The following FBXO28 variants were observed in gnomAD, a reference collection of about 807,000 sequenced individuals.
FBXO28 encodes the protein F-box only protein 28.
A neutral mutation model predicts 38.1 loss-of-function variants in FBXO28; 8 were observed. The ratio of observed to expected loss-of-function variants is 0.21; its 90% CI spans 0.12 to 0.38. The LOEUF (loss-of-function observed/expected upper bound fraction) is 0.38, where lower values mean the gene tolerates loss of function less well. FBXO28 is among the 10% of genes least tolerant of loss of function. FBXO28 has a pLI of 1.00. For synonymous variants in FBXO28, 168 were observed against 173.8 expected (o/e 0.97, Z 0.26); for missense variants, 345 against 460.6 (o/e 0.75, Z 2.30).
chr1:224,123,622 CAA>C (rs1335882513), intron 1 of FBXO28, among the ~76,000 whole-genome samples: 1 of 151,760 alleles, frequency 6.6e-6, no homozygotes, highest in Non-Finnish European at 1.5e-5. Context: ...TAGCATGTCT[CAA>C]AGTCTCTACA....
At chr1:224,151,122 G>A (rs1437546697) in intron 3 of FBXO28, among the ~76,000 whole-genome samples, 1 of 152,080 alleles carries the variant, frequency 6.6e-6, no homozygotes, top group Non-Finnish European at 1.5e-5. Flanking sequence ...AAGTGAGCTC[G>A]TAATATAGTA....
At chr1:224,141,615 T>C (rs566661492) in intron 3 of FBXO28, among the ~76,000 whole-genome samples, 1 of 152,334 alleles carries the variant, frequency 6.6e-6, no homozygotes, top group African/African-American at 2.4e-5. Context: ...ACACATAGGC[T>C]ATATGGTATA....
intron 3 of FBXO28, among the ~76,000 whole-genome samples, chr1:224,152,160 G>A (rs1657663319): frequency 6.6e-6 from 1 of 151,864 alleles, no homozygotes; most frequent in South Asian, 2.1e-4. Context: ...TTCACTTACT[G>A]TTCCAGCAAG....
rs1657690625 is a variant in FBXO28 at position 224,153,320 on chromosome 1, T to C, written c.695T>C (p.Leu232Pro). ...KLPGSDVSGR[L>P]MGSPPVPGPS... Reference sequence around the variant, plus strand: ...CCAGGATCAGATGTTTCTGGAAGACTCATGGGCTCTCCTCCAGGTATCTCT... The same window carrying C: ...CCAGGATCAGATGTTTCTGGAAGACCCATGGGCTCTCCTCCAGGTATCTCT... The change falls in exon 4 of 5, where the codon CTC becomes CCC. Residue 232 changes from leucine (L) to proline (P), a missense_variant. Leu to Pro is a moderately conservative substitution (Grantham distance 98). This residue lies in a region of FBXO28 where 151 missense variants were observed against 188.3 expected (regional missense o/e 0.80). Coordinates refer to ENST00000366862, the MANE Select transcript of FBXO28 (RefSeq NM_015176.4). 1 of 1,592,298 alleles carries C rather than the reference T, an allele frequency of 6.3e-7. No homozygotes were observed. The highest frequency in any genetic ancestry group is 2.2e-5 in the East Asian group (1 of 44,490).
intron 1 of FBXO28, among the ~76,000 whole-genome samples, chr1:224,119,135 CT>C (rs67458349): frequency 0.034 from 3,784 of 109,834 alleles, 157 homozygotes; most frequent in African/African-American, 0.12. Flanking sequence ...TCTTTTTTTT[CT>C]TTTTTTTTTT....
intron 3 of FBXO28, among the ~76,000 whole-genome samples, chr1:224,152,253 A>G (rs1657664922): frequency 6.6e-6 from 1 of 152,172 alleles, no homozygotes; most frequent in Non-Finnish European, 1.5e-5. Context: ...CAAGGAAGTG[A>G]CAAGACTTCA....
intron 3 of FBXO28, among the ~76,000 whole-genome samples, chr1:224,145,559 A>G (rs1178128547): frequency 2.0e-5 from 3 of 152,192 alleles, no homozygotes; most frequent in Non-Finnish European, 4.4e-5. Flanking sequence ...GATGACCCTC[A>G]TATATGGTTT....
chr1:224,143,229 A>G (rs1425268665), intron 3 of FBXO28, among the ~76,000 whole-genome samples: 1 of 151,962 alleles, frequency 6.6e-6, no homozygotes, highest in Non-Finnish European at 1.5e-5. Flanking sequence ...AAAAAAAAAA[A>G]AAAAAAGAGA....
chr1:224,144,189 TGTG>T (rs1398689001), intron 3 of FBXO28, among the ~76,000 whole-genome samples: 1 of 139,484 alleles, frequency 7.2e-6, no homozygotes, highest in Non-Finnish European at 1.5e-5. Context: ...ATGGGCCAGG[TGTG>T]GTGGTTCATG....
chr1:224,119,433 G>A (rs556553731), intron 1 of FBXO28, among the ~76,000 whole-genome samples: 19 of 151,620 alleles, frequency 1.3e-4, no homozygotes, highest in Non-Finnish European at 1.9e-4. Context: ...CACCGTGCCC[G>A]GCCCCACTGA....
chr1:224,142,724 T>C (rs1468953439), intron 3 of FBXO28, among the ~76,000 whole-genome samples: 4 of 151,884 alleles, frequency 2.6e-5, no homozygotes, highest in African/African-American at 7.3e-5. Context: ...CCAAGGCAGG[T>C]GGATTGCCTG....
intron 1 of FBXO28, among the ~76,000 whole-genome samples, chr1:224,116,937 C>T (rs1467485402): frequency 6.6e-6 from 1 of 151,956 alleles, no homozygotes; most frequent in East Asian, 1.9e-4. Context: ...CACTTTGGGA[C>T]GCCGAGGTGG....
At chr1:224,125,745 G>A (rs931609454) in intron 1 of FBXO28, among the ~76,000 whole-genome samples, 1 of 150,988 alleles carries the variant, frequency 6.6e-6, no homozygotes, top group African/African-American at 2.4e-5. Flanking sequence ...GGGTTTAAGC[G>A]ATTCTCCTGC....
At chr1:224,149,900 A>G (rs1327665782) in intron 3 of FBXO28, among the ~76,000 whole-genome samples, 1 of 152,230 alleles carries the variant, frequency 6.6e-6, no homozygotes, top group African/African-American at 2.4e-5. Flanking sequence ...CAGGGATGGC[A>G]TTCCAGGAAA....
chr1:224,135,627 A>AG (rs1657160707), intron 3 of FBXO28, among the ~76,000 whole-genome samples: 10 of 146,688 alleles, frequency 6.8e-5, no homozygotes, highest in African/African-American at 1.7e-4. Flanking sequence ...AAAAAAAAAA[A>AG]AAAAAAAAGA....
At position 224,150,716 on chromosome 1, in the gene FBXO28, A is replaced by G. The variant is rs1258817408; in HGVS notation, c.517-2426A>G. ...TTTCTCCCCATATCTTCAATTGATCAGTTCTTCCTCATCCTTCAGTCTTAC... is the reference window on the plus strand; with the variant it reads ...TTTCTCCCCATATCTTCAATTGATCGGTTCTTCCTCATCCTTCAGTCTTAC... On this transcript the variant is annotated intron_variant, in intron 3 of 4. Transcript: ENST00000366862. 3.3e-5 allele frequency among the ~76,000 whole-genome samples: 5 copies of G among 152,144 alleles called. No homozygotes were observed. In the East Asian group the frequency reaches 9.6e-4, roughly 29 times the overall value.
At chr1:224,121,311 A>G (rs1656766491) in intron 1 of FBXO28, among the ~76,000 whole-genome samples, 1 of 152,228 alleles carries the variant, frequency 6.6e-6, no homozygotes, top group Non-Finnish European at 1.5e-5. Flanking sequence ...ATTCTTCCTA[A>G]TTGTTATACT....
chr1:224,153,075 C>A, intron 3 of FBXO28, 67 bp from the exon 4 acceptor site: 1 of 1,307,170 alleles, frequency 7.7e-7, no homozygotes, highest in Non-Finnish European at 1.1e-6. Flanking sequence ...TACTTCTCTG[C>A]CTGTTTAGCT....
intron 1 of FBXO28, among the ~76,000 whole-genome samples, chr1:224,127,297 T>G (rs2102614614): frequency 6.6e-6 from 1 of 151,912 alleles, no homozygotes; most frequent in Non-Finnish European, 1.5e-5. Flanking sequence ...GGCATCACAC[T>G]GTTAGCTAAT....
Sources: gnomAD v4.1 joint callset for allele counts (sites outside exome capture counted in the v4.1 genomes callset) on GRCh38, gnomAD v4.1.1 for gene constraint, gnomAD v4.1.1 regional missense constraint, MANE v1.5 for transcripts, NCBI Gene and HGNC (gene_info 2026-07-23, HGNC 2026-07-21) for gene names.